The following DLG2 variants were observed in gnomAD, a reference collection of about 807,000 sequenced individuals.
DLG2 encodes discs large MAGUK scaffold protein 2.
In DLG2, 45 loss-of-function variants were observed where a neutral mutation model predicts 132.5. The observed-to-expected ratio is 0.34, with a 90% CI of 0.27 to 0.44. The LOEUF (loss-of-function observed/expected upper bound fraction) is 0.44. Among genes scored for constraint, DLG2 ranks in the 20% least tolerant of loss-of-function variants. The pLI, the probability that DLG2 is intolerant of heterozygous loss-of-function variation, is 1.00. For missense variants in DLG2, 1,045 were observed against 1,196.9 expected (o/e 0.87, Z 1.87); for synonymous variants, 424 against 419.6 (o/e 1.01, Z -0.13).
At chr11:85,153,990 T>G (rs1366950940) in intron 5 of DLG2, among the ~76,000 whole-genome samples, 1 of 152,136 alleles carries the variant, frequency 6.6e-6, no homozygotes, top group Non-Finnish European at 1.5e-5. Flanking sequence ...GGTTGGCATA[T>G]TTGTATCCCA....
At chr11:84,354,838 G>T (rs1386952990) in intron 7 of DLG2, among the ~76,000 whole-genome samples, 4 of 152,182 alleles carry the variant, frequency 2.6e-5, no homozygotes, top group Non-Finnish European at 5.9e-5. Flanking sequence ...TTTCCAAAGA[G>T]AAGTATTAAG....
intron 6 of DLG2, among the ~76,000 whole-genome samples, chr11:85,076,179 A>G (rs2066516823): frequency 6.6e-6 from 1 of 151,988 alleles, no homozygotes; most frequent in African/African-American, 2.4e-5. Context: ...GATGTCAAAA[A>G]GCTTATCAGT....
chr11:83,753,096 G>T (rs368083544), intron 18 of DLG2, among the ~76,000 whole-genome samples: 41 of 152,268 alleles, frequency 2.7e-4, no homozygotes, highest in African/African-American at 9.6e-4. Flanking sequence ...TTTGACCAAG[G>T]TTATTTATCT....
intron 3 of DLG2, among the ~76,000 whole-genome samples, chr11:85,424,085 G>A (rs973769073): frequency 5.9e-5 from 9 of 152,172 alleles, no homozygotes; most frequent in Non-Finnish European, 1.0e-4. Flanking sequence ...CTTGCTAGGG[G>A]ACCCATTGCT....
intron 6 of DLG2, among the ~76,000 whole-genome samples, chr11:84,611,906 G>A (rs1048764694): frequency 1.3e-5 from 2 of 152,106 alleles, no homozygotes; most frequent in Non-Finnish European, 2.9e-5. Context: ...CCATTATAGT[G>A]AGATTTCTTT....
intron 21 of DLG2, among the ~76,000 whole-genome samples, chr11:83,496,242 C>A (rs1019813304): frequency 2.0e-5 from 3 of 150,926 alleles, no homozygotes; most frequent in Non-Finnish European, 4.4e-5. Context: ...CATTAGTCAT[C>A]GGGGAGATGC....
intron 4 of DLG2, among the ~76,000 whole-genome samples, chr11:85,164,577 C>A (rs997872858): frequency 6.6e-6 from 1 of 152,060 alleles, no homozygotes; most frequent in African/African-American, 2.4e-5. Context: ...TAAAAAAAGA[C>A]CCTGATCACT....
intron 21 of DLG2, among the ~76,000 whole-genome samples, chr11:83,518,846 A>G (rs1054814194): frequency 6.6e-6 from 1 of 151,748 alleles, no homozygotes; most frequent in Admixed American, 6.6e-5. Flanking sequence ...ATAAATAAAT[A>G]AAAAAAAGAA....
chr11:83,537,742 G>A (rs1241590844), intron 20 of DLG2, among the ~76,000 whole-genome samples: 3 of 147,958 alleles, frequency 2.0e-5, no homozygotes, highest in Admixed American at 6.8e-5. Flanking sequence ...TTGAACCCGG[G>A]AGGTGGAGGT....
At chr11:83,536,137 A>C (rs762637056) in intron 20 of DLG2, among the ~76,000 whole-genome samples, 31 of 152,320 alleles carry the variant, frequency 2.0e-4, no homozygotes, top group South Asian at 4.1e-4. Flanking sequence ...AATGATAACC[A>C]ATGTACCCTT....
intron 6 of DLG2, among the ~76,000 whole-genome samples, chr11:84,712,105 T>C (rs2060518566): frequency 1.3e-5 from 2 of 152,090 alleles, no homozygotes; most frequent in African/African-American, 4.8e-5. Context: ...GGGAATGATT[T>C]CACCATATGT....
intron 21 of DLG2, among the ~76,000 whole-genome samples, chr11:83,503,369 T>TTATA (rs34969401): frequency 2.0e-4 from 18 of 90,602 alleles, no homozygotes; most frequent in Admixed American, 3.1e-4. Context: ...ACACACCCAT[T>TTATA]TATATATATA....
At chr11:84,575,484 C>G (rs2099497341) in intron 6 of DLG2, among the ~76,000 whole-genome samples, 1 of 152,000 alleles carries the variant, frequency 6.6e-6, no homozygotes, top group Admixed American at 6.6e-5. Context: ...GGAATGAGTC[C>G]TCTCATTTGA....
intron 8 of DLG2, among the ~76,000 whole-genome samples, chr11:84,244,084 T>C (rs2097269995): frequency 6.6e-6 from 1 of 152,216 alleles, no homozygotes; most frequent in Non-Finnish European, 1.5e-5. Context: ...CTTTTGTTAC[T>C]CAAAGTATGA....
chr11:85,085,942 C>T (rs2067869811), intron 6 of DLG2, among the ~76,000 whole-genome samples: 1 of 152,084 alleles, frequency 6.6e-6, no homozygotes, highest in African/African-American at 2.4e-5. Context: ...AAAACAAGCT[C>T]TATGTCTATC....
intron 2 of DLG2, among the ~76,000 whole-genome samples, chr11:85,603,190 G>A (rs1294754902): frequency 4.6e-5 from 7 of 152,076 alleles, no homozygotes; most frequent in South Asian, 2.1e-4. Context: ...CTTTACTTGC[G>A]TAATGTTTTA....
At chr11:85,159,162 C>A (rs1017628564) in intron 4 of DLG2, among the ~76,000 whole-genome samples, 3 of 152,124 alleles carry the variant, frequency 2.0e-5, no homozygotes, top group Non-Finnish European at 2.9e-5. Context: ...GAACTGACAT[C>A]GATTTCAGGG....
intron 19 of DLG2, among the ~76,000 whole-genome samples, chr11:83,552,508 A>G (rs575952): frequency 0.47 from 71,122 of 151,916 alleles, 17,155 homozygotes; most frequent in Admixed American, 0.57. Context: ...GCTCATAAAG[A>G]AGTTGGTGAA....
intron 19 of DLG2, among the ~76,000 whole-genome samples, chr11:83,554,202 G>T (rs2142237943): frequency 1.3e-5 from 2 of 152,170 alleles, no homozygotes; most frequent in Non-Finnish European, 2.9e-5. Flanking sequence ...TTAAACTTTA[G>T]CACTTAGGTT....
Sources: gnomAD v4.1 joint callset for allele counts (sites outside exome capture counted in the v4.1 genomes callset) on GRCh38, gnomAD v4.1.1 for gene constraint, MANE v1.5 for transcripts, NCBI Gene and HGNC (gene_info 2026-07-23, HGNC 2026-07-21) for gene names.